Variants in TULP4 observed in about 807,000 individuals in gnomAD.
TULP4 encodes TUB like protein 4, also known as tubby-related protein 4.
Under a neutral mutation model 129.0 loss-of-function variants are expected in TULP4, and 16 were observed. The ratio of observed to expected loss-of-function variants is 0.12; its 90% CI spans 0.08 to 0.19. The LOEUF (loss-of-function observed/expected upper bound fraction) is 0.19, where lower values mean the gene tolerates loss of function less well. Among genes scored for constraint, TULP4 ranks in the 10% least tolerant of loss-of-function variants. The pLI is 1.00. For missense variants in TULP4, 1,842 were observed against 2,059.1 expected, an observed-to-expected ratio of 0.89 and a Z score of 2.04; for synonymous variants, 998 against 854.0, an observed-to-expected ratio of 1.17 and a Z score of -2.94.
At chr6:158,276,728 A>C (rs1265534381) in intron 1 of TULP4, among the ~76,000 whole-genome samples, 1 of 152,048 alleles carries the variant, frequency 6.6e-6, no homozygotes, top group African/African-American at 2.4e-5. Flanking sequence ...GGTGGGTGCA[A>C]ACCAGCACTG....
chr6:158,397,806 G>A (rs956101206), intron 1 of TULP4: 11 of 152,204 alleles, frequency 7.2e-5, no homozygotes, highest in African/African-American at 2.7e-4. Flanking sequence ...GGCATTGTTT[G>A]TCATTGCAGC....
intron 1 of TULP4, among the ~76,000 whole-genome samples, chr6:158,354,315 G>T (rs1398883855): frequency 1.3e-5 from 2 of 152,090 alleles, no homozygotes; most frequent in African/African-American, 4.8e-5. Context: ...TTTTTAAGTT[G>T]ATCTCTAAGG....
chr6:158,385,842 C>CTTATTTTTTTTTTTTTTTTTTTTTTT (rs1777432028), intron 1 of TULP4, among the ~76,000 whole-genome samples: 1 of 59,576 alleles, frequency 1.7e-5, no homozygotes, highest in African/African-American at 7.2e-5. Context: ...TGTGGAATAT[C>CTTATTTTTTTTTTTTTTTTTTTTTTT]TTTTTTTTTT....
chr6:158,309,491 C>T (rs1184549273), upstream of TULP4, among the ~76,000 whole-genome samples: 1 of 151,796 alleles, frequency 6.6e-6, no homozygotes, highest in Non-Finnish European at 1.5e-5. Context: ...GACGGGGTGG[C>T]GGCCGGGCAG....
intron 1 of TULP4, among the ~76,000 whole-genome samples, chr6:158,314,766 C>T (rs1396298924): frequency 2.0e-5 from 3 of 152,132 alleles, no homozygotes; most frequent in South Asian, 2.1e-4. Context: ...TGTATGTTTT[C>T]GTACTTGGAG....
At chr6:158,469,568 C>T (rs1779627394) in intron 6 of TULP4, among the ~76,000 whole-genome samples, 1 of 151,964 alleles carries the variant, frequency 6.6e-6, no homozygotes, top group South Asian at 2.1e-4. Context: ...AGCCACCACA[C>T]CTGGCCAAAA....
intron 1 of TULP4, among the ~76,000 whole-genome samples, chr6:158,370,456 TCAAAAAAAAAAAAAA>T (rs1777046648): frequency 9.1e-5 from 1 of 11,038 alleles, no homozygotes; most frequent in African/African-American, 6.6e-4. Flanking sequence ...AAACTCCATC[TCAAAAAAAAAAAAAA>T]AAAAAAAAAA....
intron 1 of TULP4, among the ~76,000 whole-genome samples, chr6:158,359,042 A>G (rs1780709192): frequency 1.3e-5 from 2 of 152,066 alleles, no homozygotes; most frequent in East Asian, 1.9e-4. Context: ...CCTTCACTAC[A>G]TGTTCTTTTA....
At position 158,313,880 on chromosome 6, in the gene TULP4, T is replaced by G; in HGVS notation, c.-137T>G. 1 of 907,218 alleles carries G rather than the reference T, an allele frequency of 1.1e-6. No individual in the cohort carries two copies. The allele number at this position is 907,218 out of a possible 1,614,324, so 56.2% of individuals were successfully genotyped here. A position where few individuals can be genotyped will look rare whatever the true frequency, so the allele number is the denominator to read the frequency against. The stretch of plus-strand genomic sequence containing the variant: ...ATAAAATACTGACCTTCTAATTAGA[T>G]TCAGGTCAGTCTTAATTAAAGGGGG... On this transcript the variant is annotated 5_prime_UTR_variant, in exon 1 of 14. Transcript: ENST00000367097.
chr6:158,337,144 T>TTC, intron 1 of TULP4, among the ~76,000 whole-genome samples: 1 of 141,412 alleles, frequency 7.1e-6, no homozygotes, highest in South Asian at 2.3e-4. Flanking sequence ...TTTTTTTTTT[T>TTC]TTTTTTGAGA....
chr6:158,358,712 T>C (rs912416566), intron 1 of TULP4, among the ~76,000 whole-genome samples: 3 of 152,242 alleles, frequency 2.0e-5, no homozygotes, highest in African/African-American at 7.2e-5. Context: ...GGCAGTAATG[T>C]ACAAATCATG....
At position 158,328,079 on chromosome 6, in the gene TULP4, G is replaced by GGTGTGTGTGTGTGT. The variant is rs766393090; in HGVS notation, c.252+13847_252+13860dup. On this transcript the variant is annotated intron_variant, in intron 1 of 13. Transcript: ENST00000367097. ...TCCTGTTGCCAGCATTCTCAGAGCT[G>GGTGTGTGTGTGTGT]GTGTGTGTGTGTGTGTGTGTGTGTG... is the stretch of plus-strand genomic sequence containing the variant. 7.6e-4 allele frequency among the ~76,000 whole-genome samples: 92 copies of GGTGTGTGTGTGTGT among 120,578 alleles called. No homozygotes were observed. In the East Asian group the frequency reaches 0.013, roughly 17 times the overall value. The allele number at this position is 120,578 out of a possible 152,430, so 79.1% of individuals were successfully genotyped here.
chr6:158,348,942 A>C (rs1318933019), intron 1 of TULP4, among the ~76,000 whole-genome samples: 2 of 111,666 alleles, frequency 1.8e-5, no homozygotes, highest in Non-Finnish European at 3.7e-5. Context: ...CTCACCTCCC[A>C]GATGAAGGGC....
At chr6:158,359,138 A>T (rs1000592715) in intron 1 of TULP4, among the ~76,000 whole-genome samples, 1 of 152,100 alleles carries the variant, frequency 6.6e-6, no homozygotes, top group Non-Finnish European at 1.5e-5. Flanking sequence ...GTGACTTTCT[A>T]TGCCAGCCAC....
At chr6:158,340,801 T>C (rs1340276459) in intron 1 of TULP4, among the ~76,000 whole-genome samples, 1 of 152,186 alleles carries the variant, frequency 6.6e-6, no homozygotes, top group Non-Finnish European at 1.5e-5. Context: ...TTCTGTTATT[T>C]TTAGGGATGT....
chr6:158,390,124 A>G (rs1777551003), intron 1 of TULP4, among the ~76,000 whole-genome samples: 1 of 152,216 alleles, frequency 6.6e-6, no homozygotes, highest in African/African-American at 2.4e-5. Flanking sequence ...ACAGTGAGAA[A>G]GTCAAAGGAT....
At chr6:158,307,045 A>G (rs1295269838) in intron 1 of TULP4, among the ~76,000 whole-genome samples, 1 of 152,200 alleles carries the variant, frequency 6.6e-6, no homozygotes, top group Admixed American at 6.5e-5. Context: ...AAACTGATAA[A>G]AAATATTCCC....
At position 158,506,214 on chromosome 6, in the gene TULP4, G is replaced by A. The variant is rs1282156842; in HGVS notation, c.4516-364G>A. ...TGCAGACCCGGCTGTCGCCTTGCTC[G>A]CCTTGTTCTTTTTTTTTTTTTTTTT... On this transcript the variant is annotated intron_variant, in intron 13 of 13. Coordinates refer to ENST00000367097, the MANE Select transcript of TULP4 (RefSeq NM_020245.5). 8.1e-5 allele frequency among the ~76,000 whole-genome samples: 11 copies of A among 136,548 alleles called. 1 individual carries two copies. In the East Asian group the frequency reaches 1.5e-3, roughly 19 times the overall value. The allele number at this position is 136,548 out of a possible 152,430, so 89.6% of individuals were successfully genotyped here.
intron 1 of TULP4, among the ~76,000 whole-genome samples, chr6:158,243,189 G>C (rs922393043): frequency 4.6e-5 from 7 of 152,016 alleles, no homozygotes; most frequent in Non-Finnish European, 8.8e-5. Flanking sequence ...AGTTTTGTTT[G>C]AGCAATACCT....
Sources: allele counts gnomAD v4.1 joint callset (sites outside exome capture counted in the v4.1 genomes callset), GRCh38; gene constraint gnomAD v4.1.1; transcripts MANE v1.5; gene names NCBI Gene and HGNC (gene_info 2026-07-23, HGNC 2026-07-21).